CACNA1E: variants seen among roughly 807,000 people sequenced by gnomAD.
CACNA1E encodes calcium voltage-gated channel subunit alpha1 E.
Under a neutral mutation model 259.2 loss-of-function variants are expected in CACNA1E, and 40 were observed. The observed-to-expected ratio is 0.15, with a 90% CI of 0.12 to 0.20. The LOEUF is 0.20. CACNA1E is among the 10% of genes least tolerant of loss of function. The pLI, the probability that CACNA1E is intolerant of heterozygous loss-of-function variation, is 1.00. For synonymous variants in CACNA1E, 1,104 were observed against 1,138.5 expected (o/e 0.97, Z 0.61); for missense variants, 1,874 against 3,040.1 (o/e 0.62, Z 9.02).
chr1:181,546,037 C>A (rs1647413771), intron 3 of CACNA1E, among the ~76,000 whole-genome samples: 1 of 152,104 alleles, frequency 6.6e-6, no homozygotes, highest in Admixed American at 6.5e-5. Context: ...AGCGGGATGA[C>A]TGGCCTGTGT....
intron 30 of CACNA1E, 83 bp downstream of exon 30, chr1:181,757,209 C>A: frequency 1.1e-6 from 1 of 891,674 alleles, no homozygotes; most frequent in Non-Finnish European, 1.8e-6. Context: ...AGGAGGACTG[C>A]ATTTTCTTAA....
At chr1:181,688,338 G>A (rs988972266) in intron 7 of CACNA1E, among the ~76,000 whole-genome samples, 2 of 152,058 alleles carry the variant, frequency 1.3e-5, no homozygotes, top group African/African-American at 4.8e-5. Flanking sequence ...CTTCACTTTC[G>A]CTGCTGAGCA....
intron 37 of CACNA1E, among the ~76,000 whole-genome samples, 155 bp downstream of exon 37, chr1:181,772,386 G>A (rs112613545): frequency 3.7e-4 from 56 of 151,996 alleles, no homozygotes; most frequent in African/African-American, 1.3e-3. Flanking sequence ...TCACACTCAC[G>A]TCCACACCCA....
intron 3 of CACNA1E, among the ~76,000 whole-genome samples, chr1:181,567,219 G>T (rs1649930064): frequency 1.3e-5 from 2 of 152,114 alleles, no homozygotes; most frequent in South Asian, 2.1e-4. Flanking sequence ...TCCAGAAGGG[G>T]TTGCCTTACT....
rs1312215813 is a variant in CACNA1E, at chr1:181,737,624, C to T, written c.3522C>T (p.Asp1174=). The part of the protein sequence containing the change: ...AASSIALAAE[D]PVLTNSERNK... Reference sequence around the variant, plus strand: ...GCAGCATCGCCCTGGCGGCAGAGGACCCCGTCCTGACCAACTCGGAGCGCA... The same window carrying T: ...GCAGCATCGCCCTGGCGGCAGAGGATCCCGTCCTGACCAACTCGGAGCGCA... The change falls in exon 23 of 48, where the codon GAC becomes GAT. Residue 1174 remains aspartate, a synonymous_variant. Transcript: ENST00000367573. 6.2e-7 allele frequency: 1 copy of T among 1,614,036 alleles called. No individual in the cohort carries two copies. The highest frequency in any genetic ancestry group is 8.5e-7 in the Non-Finnish European group (1 of 1,179,894).
intron 6 of CACNA1E, among the ~76,000 whole-genome samples, chr1:181,643,304 G>C (rs1441079900): frequency 6.6e-6 from 1 of 152,192 alleles, no homozygotes; most frequent in African/African-American, 2.4e-5. Flanking sequence ...GGAGAGGGGA[G>C]GGACAGGATA....
intron 7 of CACNA1E, among the ~76,000 whole-genome samples, chr1:181,703,110 A>G (rs1055803893): frequency 1.3e-5 from 2 of 152,122 alleles, no homozygotes; most frequent in Non-Finnish European, 2.9e-5. Context: ...ACTTGCTGCT[A>G]TATCCTCATA....
chr1:181,733,342 C>A, intron 20 of CACNA1E, 95 bp from the exon 21 acceptor site: 2 of 1,127,362 alleles, frequency 1.8e-6, no homozygotes, highest in Non-Finnish European at 2.5e-6. Context: ...ACCTTCCAGG[C>A]TGCCTGAGCT....
chr1:181,646,327 A>G (rs1433308028), intron 6 of CACNA1E, among the ~76,000 whole-genome samples: 1 of 152,214 alleles, frequency 6.6e-6, no homozygotes, highest in Non-Finnish European at 1.5e-5. Flanking sequence ...GCTAAGGCAC[A>G]CACAGGAGAG....
chr1:181,337,885 G>T (rs773559121), intron 1 of CACNA1E, among the ~76,000 whole-genome samples: 1 of 152,172 alleles, frequency 6.6e-6, no homozygotes, highest in African/African-American at 2.4e-5. Context: ...CAGCAGAAGC[G>T]TTGCTGGATC....
chr1:181,336,356 G>A (rs201996703), intron 1 of CACNA1E, among the ~76,000 whole-genome samples: 4 of 152,238 alleles, frequency 2.6e-5, no homozygotes, highest in South Asian at 2.1e-4. Flanking sequence ...AGCCCTATAC[G>A]TGCCTCAAAA....
intron 6 of CACNA1E, among the ~76,000 whole-genome samples, chr1:181,603,143 G>C (rs1388805786): frequency 6.6e-6 from 1 of 152,230 alleles, no homozygotes; most frequent in East Asian, 1.9e-4. Flanking sequence ...ATATCCTTGG[G>C]GATATTTACT....
In CACNA1E at chr1:181,529,841, C is replaced by T. The variant is rs111793894; in HGVS notation, c.512+18331C>T. Among the ~76,000 whole-genome samples the T allele has an allele frequency of 5.5e-3, 834 of 152,252 alleles. 9 individuals are homozygous for T. Among genetic ancestry groups the T allele is most frequent in the African/African-American group, 0.019 (799 of 41,540 alleles). The stretch of plus-strand genomic sequence containing the variant: ...ACTAGCTTGATTTTGATTTTACAGG[C>T]TCATAGGTGGAAGGGACTTGCCTTG... On this transcript the variant is annotated intron_variant, in intron 3 of 47. Transcript: ENST00000367573.
At chr1:181,377,051 G>C (rs1655148936) in intron 1 of CACNA1E, among the ~76,000 whole-genome samples, 1 of 152,152 alleles carries the variant, frequency 6.6e-6, no homozygotes, top group African/African-American at 2.4e-5. Context: ...TCATGTATTT[G>C]TTCATTGAGT....
intron 1 of CACNA1E, among the ~76,000 whole-genome samples, chr1:181,318,731 C>T (rs1650110694): frequency 6.6e-6 from 1 of 152,138 alleles, no homozygotes; most frequent in Admixed American, 6.5e-5. Context: ...CCTTTGGAGG[C>T]GACTCGGGAC....
chr1:181,474,972 C>T (rs1662749519), intron 2 of CACNA1E, among the ~76,000 whole-genome samples: 1 of 152,130 alleles, frequency 6.6e-6, no homozygotes, highest in African/African-American at 2.4e-5. Flanking sequence ...ATATTTATTC[C>T]TGTTTATATC....
rs551064479 is a variant in CACNA1E, at chr1:181,474,083, C to T, written c.435-9661C>T. 2.6e-5 allele frequency among the ~76,000 whole-genome samples: 4 copies of T among 152,162 alleles called. No homozygotes were observed. The South Asian group carries it at 8.3e-4, about 32-fold the overall frequency. On this transcript the variant is annotated intron_variant, in intron 2 of 11. Transcript: ENST00000524607. ...TATTCTTTATTTGTTTGATCCATGT[C>T]CATTTTTCTTTTTTTTACAGCTCCA...
chr1:181,752,729 CA>C (rs1470193927), intron 27 of CACNA1E, among the ~76,000 whole-genome samples: 1 of 152,236 alleles, frequency 6.6e-6, no homozygotes, highest in Non-Finnish European at 1.5e-5. Flanking sequence ...GTAACTTGTC[CA>C]AGGACATGCA....
At position 181,601,091 on chromosome 1, in the gene CACNA1E, T is replaced by TA. The variant is rs754035424; in HGVS notation, c.951+20316dup. Reference sequence around the variant, plus strand: ...TATTATGACAGGGGCTACTTTGCCATAGGGGATGAAAATAGGAATTCCCAC... The same window carrying TA: ...TATTATGACAGGGGCTACTTTGCCATAAGGGGATGAAAATAGGAATTCCCAC... On this transcript the variant is annotated intron_variant, in intron 6 of 47. Transcript: ENST00000367573. 7.3e-4 allele frequency among the ~76,000 whole-genome samples: 111 copies of TA among 152,194 alleles called. No homozygotes were observed. In the Middle Eastern group the frequency reaches 0.017, roughly 23 times the overall value.
Sources: gnomAD v4.1 joint callset for allele counts (sites outside exome capture counted in the v4.1 genomes callset) on GRCh38, gnomAD v4.1.1 for gene constraint, MANE v1.5 for transcripts, NCBI Gene and HGNC (gene_info 2026-07-23, HGNC 2026-07-21) for gene names.